Variants in ZNF644 observed in about 807,000 individuals in gnomAD.
ZNF644 encodes the protein zinc finger motif enhancer binding protein 2.
Under a neutral mutation model 108.0 loss-of-function variants are expected in ZNF644, and 20 were observed. The observed-to-expected ratio is 0.19, with a 90% CI of 0.13 to 0.27. The LOEUF (loss-of-function observed/expected upper bound fraction) is 0.27. Among genes scored for constraint, ZNF644 ranks in the 10% least tolerant of loss-of-function variants. The pLI, the probability that ZNF644 is intolerant of heterozygous loss-of-function variation, is 1.00. For missense variants in ZNF644, 1,338 were observed against 1,548.9 expected (o/e 0.86, Z 2.29); for synonymous variants, 542 against 539.1 (o/e 1.01, Z -0.08).
intron 1 of ZNF644, among the ~76,000 whole-genome samples, chr1:90,999,396 T>A (rs1156563064): frequency 6.6e-6 from 1 of 152,094 alleles, no homozygotes; most frequent in African/African-American, 2.4e-5. Context: ...TTCAACATTC[T>A]TAACAAAAAG....
At chr1:90,974,164 T>C (rs1335936704) in intron 2 of ZNF644, among the ~76,000 whole-genome samples, 3 of 152,032 alleles carry the variant, frequency 2.0e-5, no homozygotes, top group African/African-American at 7.2e-5. Flanking sequence ...CCTGCATGAC[T>C]GTCCATCTCT....
intron 2 of ZNF644, among the ~76,000 whole-genome samples, chr1:90,980,379 C>T (rs1369460488): frequency 6.6e-6 from 1 of 152,162 alleles, no homozygotes; most frequent in African/African-American, 2.4e-5. Context: ...AAACATCATA[C>T]TTAGTTTATT....
Position 90,941,264 on chromosome 1 carries a change from C to T in ZNF644, c.90G>A (p.Lys30=). The change falls in exon 3 of 6, where the codon AAG becomes AAA. Residue 30 remains lysine, a synonymous_variant. Transcript: ENST00000337393. ...NGLANNMDDL[K]INTDITGAKE... is the part of the protein sequence containing the mutation. ...TAGCACCAGTAATATCGGTGTTTAT[C>T]TTCAAATCATCCATATTGTTGGCAA... The T allele has an allele frequency of 6.3e-7, 1 of 1,598,752 alleles. No individual in the cohort carries two copies. The highest frequency in any genetic ancestry group is 8.5e-7 in the Non-Finnish European group (1 of 1,176,134).
At chr1:90,961,097 G>C (rs552249300) in intron 2 of ZNF644, among the ~76,000 whole-genome samples, 4 of 152,126 alleles carry the variant, frequency 2.6e-5, no homozygotes, top group Admixed American at 2.6e-4. Flanking sequence ...AGCGATACAA[G>C]TGGTAAATAT....
chr1:90,942,245 T>C (rs1033873652), intron 2 of ZNF644, among the ~76,000 whole-genome samples: 2 of 152,186 alleles, frequency 1.3e-5, no homozygotes, highest in Admixed American at 6.5e-5. Flanking sequence ...ATATAAAATG[T>C]AGATAAAACT....
chr1:90,997,154 T>C (rs943838296), intron 1 of ZNF644, among the ~76,000 whole-genome samples: 2 of 152,160 alleles, frequency 1.3e-5, no homozygotes, highest in Non-Finnish European at 2.9e-5. Context: ...GAGAGCCACA[T>C]GTACAGAAAG....
Position 90,918,108 on chromosome 1 carries a change from C to G in ZNF644, c.3735G>C (p.Lys1245Asn), listed in dbSNP as rs761788057. The change falls in exon 5 of 6, where the codon AAG becomes AAC. Residue 1245 changes from lysine to asparagine, a missense_variant. By Grantham distance (94) the Lys-to-Asn change is moderately conservative (BLOSUM62 0). Transcript: ENST00000337393. ...CATGAGGTAATGTTAGCATTTTCTT[C>G]TTGCTTCCAGATCTTGACCTTGATT... ...QKKSRSRSGS[K>N]KKMLTLPHGA... 2 of 1,614,098 alleles carry G rather than the reference C, an allele frequency of 1.2e-6. No individual in the cohort carries two copies. Among genetic ancestry groups the G allele is most frequent in the Admixed American group, 3.3e-5 (2 of 60,028 alleles).
rs750367397 is a variant in ZNF644 at position 90,982,398 on chromosome 1, G to T, written c.-17-28C>A. ...GAAAGAAATACACACAATGACCAAGGTTTAATTTTTTGTTTCAGGCATGAA... is the reference window on the plus strand; with the variant it reads ...GAAAGAAATACACACAATGACCAAGTTTTAATTTTTTGTTTCAGGCATGAA... On this transcript the variant is annotated intron_variant, in intron 1 of 5. Coordinates refer to ENST00000337393, the MANE Select transcript of ZNF644 (RefSeq NM_201269.3). 6.3e-6 allele frequency: 10 copies of T among 1,576,362 alleles called. No homozygotes were observed. The South Asian group carries it at 1.1e-4, about 17-fold the overall frequency.
At chr1:90,993,141 C>T (rs1657803702) in intron 1 of ZNF644, among the ~76,000 whole-genome samples, 1 of 152,130 alleles carries the variant, frequency 6.6e-6, no homozygotes, top group African/African-American at 2.4e-5. Context: ...CAGCAGATTT[C>T]AGTTTGCCAG....
At chr1:90,994,125 A>G (rs1382870132) in intron 1 of ZNF644, among the ~76,000 whole-genome samples, 1 of 152,232 alleles carries the variant, frequency 6.6e-6, no homozygotes, top group Non-Finnish European at 1.5e-5. Flanking sequence ...CTATTGGGAA[A>G]GTGTCACTTG....
intron 1 of ZNF644, among the ~76,000 whole-genome samples, chr1:90,999,393 T>C (rs1658519440): frequency 6.6e-6 from 1 of 152,192 alleles, no homozygotes; most frequent in Non-Finnish European, 1.5e-5. Context: ...ATATTCAACA[T>C]TCTTAACAAA....
At chr1:90,937,443 G>A in intron 4 of ZNF644, 42 bp downstream of exon 4, 1 of 1,612,468 alleles carries the variant, frequency 6.2e-7, no homozygotes, top group Non-Finnish European at 8.5e-7. Flanking sequence ...TAATTGAACT[G>A]CATTTAAACT....
At chr1:90,954,753 T>G (rs1394628335) in intron 2 of ZNF644, among the ~76,000 whole-genome samples, 1 of 152,174 alleles carries the variant, frequency 6.6e-6, no homozygotes, top group African/African-American at 2.4e-5. Context: ...TTCTACCACA[T>G]CTACAGTTAC....
intron 2 of ZNF644, among the ~76,000 whole-genome samples, chr1:90,953,595 T>C (rs1653424464): frequency 6.6e-6 from 1 of 152,056 alleles, no homozygotes; most frequent in Non-Finnish European, 1.5e-5. Context: ...AGCTATTATG[T>C]CTAAAAAGCA....
At chr1:91,019,507 T>C (rs1420583521) in intron 1 of ZNF644, among the ~76,000 whole-genome samples, 8 of 152,250 alleles carry the variant, frequency 5.3e-5, no homozygotes, top group Admixed American at 5.2e-4. Context: ...TTCTGTATTT[T>C]GTACCTGATT....
rs1375015101 is a variant in ZNF644 at position 90,918,523 on chromosome 1, A to G, written c.3689-369T>C. On this transcript the variant is annotated intron_variant, in intron 4 of 5. Coordinates refer to ENST00000337393, the MANE Select transcript of ZNF644 (RefSeq NM_201269.3). ...ACTTTTATAATCATACATAATTTTA[A>G]TATCTGGTTTAATCTTATTTCCAGA... The G allele has an allele frequency of 2.0e-5, 4 of 197,638 alleles. No individual in the cohort carries two copies. The East Asian group carries it at 4.8e-4, about 24-fold the overall frequency. The allele number at this position is 197,638 out of a possible 1,614,324, so 12.2% of individuals were successfully genotyped here.
chr1:90,944,214 T>C (rs1461110685), intron 2 of ZNF644, among the ~76,000 whole-genome samples: 1 of 152,156 alleles, frequency 6.6e-6, no homozygotes, highest in Non-Finnish European at 1.5e-5. Context: ...AGCAACTTCA[T>C]TGGTACCCCC....
intron 1 of ZNF644, among the ~76,000 whole-genome samples, chr1:91,005,926 C>T (rs1395670376): frequency 6.6e-6 from 1 of 150,484 alleles, no homozygotes; most frequent in African/African-American, 2.4e-5. Flanking sequence ...AAATAGAGAA[C>T]AGAAAAACAG....
In ZNF644 at chr1:90,940,873, G is replaced by T. The variant is rs1255425440; in HGVS notation, c.481C>A (p.Leu161Ile). 3 of 1,613,878 alleles carry T rather than the reference G, an allele frequency of 1.9e-6. No individual in the cohort carries two copies. The Admixed American group carries it at 5.0e-5, about 27-fold the overall frequency. ...GCTTTCTGTGGTGTAGACAGCTGAA[G>T]ATCAGCTGCTACCTTCAAAGTTGAA... The part of the protein sequence containing the change: ...SCSTLKVAAD[L>I]QLSTPQKASQ... The change falls in exon 3 of 6, where the codon CTT becomes ATT. Residue 161 changes from leucine (L) to isoleucine (I), a missense_variant. Physicochemically the swap from Leu to Ile is conservative, Grantham distance 5. Around this residue, in one of 6 missense-constraint regions of ZNF644, gnomAD observed 464 missense variants for 457.9 expected, o/e 1.01. Coordinates refer to ENST00000337393, the MANE Select transcript of ZNF644 (RefSeq NM_201269.3).
Sources: allele counts gnomAD v4.1 joint callset (sites outside exome capture counted in the v4.1 genomes callset), GRCh38; gene constraint gnomAD v4.1.1; regional missense constraint gnomAD v4.1.1; transcripts MANE v1.5; gene names NCBI Gene and HGNC (gene_info 2026-07-23, HGNC 2026-07-21).